The following ARHGEF33 variants were observed in gnomAD, a reference collection of about 807,000 sequenced individuals.
ARHGEF33 encodes the protein Rho guanine nucleotide exchange factor 33, also known as DH and coiled-coil domain-containing protein ENSP00000381780.
A neutral mutation model predicts 101.9 loss-of-function variants in ARHGEF33; 72 were observed. That is an observed-to-expected ratio of 0.71 (90% CI 0.58 to 0.86). ARHGEF33 has a LOEUF of 0.86. ARHGEF33 is among the 40% of genes least tolerant of loss of function. The pLI is 0.00. For synonymous variants in ARHGEF33, 499 were observed against 442.5 expected (o/e 1.13, Z -1.60); for missense variants, 1,169 against 1,111.3 (o/e 1.05, Z -0.74).
chr2:38,929,934 A>T, intron 6 of ARHGEF33, 104 bp downstream of exon 6: 1 of 960,670 alleles, frequency 1.0e-6, no homozygotes, highest in Non-Finnish European at 1.5e-6. Context: ...CTAGCTGGCC[A>T]CTGTGCTCCA....
chr2:38,927,260 G>A (rs922656419), intron 4 of ARHGEF33, among the ~76,000 whole-genome samples: 14 of 152,178 alleles, frequency 9.2e-5, no homozygotes, highest in Non-Finnish European at 1.5e-5. Context: ...TGATATAGGA[G>A]ACAAAGTCAC....
chr2:38,969,572 A>T (rs1668123414), intron 17 of ARHGEF33: 1 of 169,086 alleles, frequency 5.9e-6, no homozygotes, highest in Non-Finnish European at 1.5e-5. Context: ...TCAAGTTGAC[A>T]TCATTAAAAA....
rs116133150 is a variant in ARHGEF33 at position 38,952,254 on chromosome 2, C to T, written c.1054-908C>T. On this transcript the variant is annotated intron_variant, in intron 11 of 17. Coordinates refer to ENST00000409978, the MANE Select transcript of ARHGEF33 (RefSeq NM_001145451.5). ...TACAAAGTTTACAAATTATTTTCTT[C>T]TACAGACTAGAGTGCATATAATGTA... Among the ~76,000 whole-genome samples, 309 of 152,314 alleles carry T rather than the reference C, an allele frequency of 2.0e-3. 1 individual carries two copies. Among genetic ancestry groups the T allele is most frequent in the African/African-American group, 7.1e-3 (294 of 41,562 alleles).
intron 13 of ARHGEF33, 116 bp downstream of exon 13, chr2:38,954,572 G>T: frequency 3.1e-6 from 2 of 638,708 alleles, no homozygotes; most frequent in East Asian, 3.1e-5. Context: ...TCTAAGAAGT[G>T]TTTATTTAGA....
chr2:38,897,663 T>G (rs988622041), intron 2 of ARHGEF33, among the ~76,000 whole-genome samples: 10 of 152,228 alleles, frequency 6.6e-5, no homozygotes, highest in African/African-American at 2.4e-4. Context: ...ATCCCTGAAC[T>G]TGTAGAAGTG....
chr2:38,894,446 G>A (rs756751121), intron 1 of ARHGEF33, among the ~76,000 whole-genome samples: 13 of 147,778 alleles, frequency 8.8e-5, no homozygotes, highest in Non-Finnish European at 1.5e-4. Flanking sequence ...AATAATAATA[G>A]AGGCTTAAAC....
intron 11 of ARHGEF33, among the ~76,000 whole-genome samples, chr2:38,952,011 A>G (rs1667622542): frequency 6.6e-6 from 1 of 152,216 alleles, no homozygotes; most frequent in Non-Finnish European, 1.5e-5. Context: ...GTTGTTCTAC[A>G]AGGAATAGCT....
At chr2:38,918,491 A>T (rs1163766865) in intron 2 of ARHGEF33, among the ~76,000 whole-genome samples, 1 of 152,164 alleles carries the variant, frequency 6.6e-6, no homozygotes, top group African/African-American at 2.4e-5. Flanking sequence ...CAAACTTAAG[A>T]AGGGGTTAAA....
At chr2:38,908,579 C>G (rs1666443700) in intron 2 of ARHGEF33, among the ~76,000 whole-genome samples, 1 of 152,170 alleles carries the variant, frequency 6.6e-6, no homozygotes, top group South Asian at 2.1e-4. Context: ...TGAACAACAA[C>G]AAAAATTAAC....
intron 13 of ARHGEF33, among the ~76,000 whole-genome samples, chr2:38,955,481 C>CATT (rs1667716458): frequency 1.4e-5 from 1 of 71,186 alleles, no homozygotes; most frequent in Admixed American, 2.4e-4. Context: ...ATTGAAAAGA[C>CATT]TTTTTTTTTT....
chr2:38,947,497 C>G (rs1362753699), intron 10 of ARHGEF33, among the ~76,000 whole-genome samples: 1 of 152,212 alleles, frequency 6.6e-6, no homozygotes, highest in Non-Finnish European at 1.5e-5. Context: ...TCAAGTGATC[C>G]TCCCACCTCA....
intron 2 of ARHGEF33, among the ~76,000 whole-genome samples, chr2:38,905,218 A>G (rs536244195): frequency 5.3e-5 from 8 of 152,230 alleles, no homozygotes; most frequent in African/African-American, 1.2e-4. Context: ...TCCTTTCCTT[A>G]AAGACCTGAA....
At chr2:38,910,051 A>G (rs575496161) in intron 2 of ARHGEF33, among the ~76,000 whole-genome samples, 2 of 152,120 alleles carry the variant, frequency 1.3e-5, no homozygotes, top group Non-Finnish European at 2.9e-5. Context: ...AGCTATTTAC[A>G]TGTATTCTAT....
intron 4 of ARHGEF33, among the ~76,000 whole-genome samples, chr2:38,924,841 A>G (rs1373543011): frequency 1.3e-5 from 2 of 152,194 alleles, no homozygotes; most frequent in African/African-American, 2.4e-5. Context: ...CATATTAAGG[A>G]ATTTATTCTA....
chr2:38,960,061 G>A lies in ARHGEF33; in HGVS notation c.1756G>A (p.Glu586Lys). ...GATGGACTTCGAGTCCTCTCCGGCG[G>A]AGCCGCTGGGCAACGTGGAGCGCTC... ...PEMDFESSPA[E>K]PLGNVERSLR... The change falls in exon 16 of 18, where the codon GAG (glutamate) becomes AAG (lysine). Residue 586 changes from glutamate to lysine, a missense_variant. Transcript: ENST00000409978. 1.3e-6 allele frequency: 2 copies of A among 1,542,318 alleles called. No individual in the cohort carries two copies. The highest frequency in any genetic ancestry group is 1.7e-6 in the Non-Finnish European group (2 of 1,143,144).
intron 16 of ARHGEF33, among the ~76,000 whole-genome samples, chr2:38,963,681 T>C (rs1045694897): frequency 6.6e-6 from 1 of 152,216 alleles, no homozygotes; most frequent in African/African-American, 2.4e-5. Flanking sequence ...TAAAAGCCCA[T>C]TTCTCAAAAT....
rs543093409 is a variant in ARHGEF33, at chr2:38,914,018, A to T, written c.-85-5345A>T. On this transcript the variant is annotated intron_variant, in intron 2 of 17. Coordinates refer to ENST00000409978, the MANE Select transcript of ARHGEF33 (RefSeq NM_001145451.5). The stretch of plus-strand genomic sequence containing the variant: ...GTAAGTATACGATATAGAGATGCTC[A>T]ATAGCACCAGCAATCAGCAAAAGTA... Among the ~76,000 whole-genome samples, 81 of 152,336 alleles carry T rather than the reference A, an allele frequency of 5.3e-4. 1 individual carries two copies. Among genetic ancestry groups the T allele is most frequent in the Non-Finnish European group, 4.9e-4 (33 of 68,032 alleles).
intron 2 of ARHGEF33, among the ~76,000 whole-genome samples, chr2:38,907,014 C>T (rs901685875): frequency 6.6e-6 from 1 of 151,820 alleles, no homozygotes; most frequent in Non-Finnish European, 1.5e-5. Flanking sequence ...GGAGAATGGC[C>T]AAAGCAGGCT....
chr2:38,971,206 T>G (rs1046750321), intron 17 of ARHGEF33, among the ~76,000 whole-genome samples: 8 of 152,086 alleles, frequency 5.3e-5, no homozygotes, highest in Admixed American at 6.5e-5. Context: ...AAACAAAAGG[T>G]TTATTTATAG....
Sources: allele counts gnomAD v4.1 joint callset (sites outside exome capture counted in the v4.1 genomes callset), GRCh38; gene constraint gnomAD v4.1.1; transcripts MANE v1.5; gene names NCBI Gene and HGNC (gene_info 2026-07-23, HGNC 2026-07-21).